SOCS6: variants seen among roughly 807,000 people sequenced by gnomAD.
SOCS6 encodes the protein suppressor of cytokine signaling 6.
SOCS6 carries 5 observed loss-of-function variants against 27.7 expected under a neutral mutation model. The observed-to-expected ratio is 0.18, with a 90% CI of 0.09 to 0.38. The LOEUF is 0.38. SOCS6 is among the 10% of genes least tolerant of loss of function. The pLI is 1.00. For missense variants in SOCS6, 595 were observed against 688.1 expected, an observed-to-expected ratio of 0.86 and a Z score of 1.51; for synonymous variants, 271 against 260.0, an observed-to-expected ratio of 1.04 and a Z score of -0.41.
intron 1 of SOCS6, among the ~76,000 whole-genome samples, chr18:70,305,608 C>T (rs1177133864): frequency 1.3e-5 from 2 of 152,098 alleles, no homozygotes; most frequent in Non-Finnish European, 2.9e-5. Flanking sequence ...GCTTACTAAG[C>T]TTTTGATAGG....
Position 70,327,610 on chromosome 18 carries a change from G to A in SOCS6, c.*1334G>A, listed in dbSNP as rs1911258999. On this transcript the variant is annotated 3_prime_UTR_variant, in exon 2 of 2. Coordinates refer to ENST00000397942, the MANE Select transcript of SOCS6 (RefSeq NM_004232.4). The stretch of plus-strand genomic sequence containing the variant: ...TTATCTCCTTGAGTCGGTTGTTGGG[G>A]AGAGATGTTATATTCAATAATTTTT... 6.0e-6 allele frequency: 1 copy of A among 166,964 alleles called. No individual in the cohort carries two copies. Among genetic ancestry groups the A allele is most frequent in the South Asian group, 2.1e-4 (1 of 4,830 alleles). 10.3% of individuals were successfully genotyped at this position (166,964 alleles called of 1,614,324 possible).
chr18:70,326,332 C>G lies in SOCS6; in HGVS notation c.*56C>G. 7.0e-7 allele frequency: 1 copy of G among 1,419,534 alleles called. No individual in the cohort carries two copies. The highest frequency in any genetic ancestry group is 9.6e-7 in the Non-Finnish European group (1 of 1,040,024). 87.9% of individuals were successfully genotyped at this position (1,419,534 alleles called of 1,614,324 possible). The stretch of plus-strand genomic sequence containing the variant: ...GGAATAAGAACAAGAGATTGAAATA[C>G]AGTTTACAAACTTTCATTGCCATCA... On this transcript the variant is annotated 3_prime_UTR_variant, in exon 2 of 2. Transcript: ENST00000397942.
rs966046950 is a variant in SOCS6 at position 70,304,710 on chromosome 18, T to C, written c.-127+15620T>C. ...ATTCTAGCCTGTGGCTTAGAAGATA[T>C]GATACACAGATATTTTCTTCTAGCC... is the stretch of plus-strand genomic sequence containing the variant. On this transcript the variant is annotated intron_variant, in intron 1 of 1. Transcript: ENST00000397942. Among the ~76,000 whole-genome samples, 12 of 152,388 alleles carry C rather than the reference T, an allele frequency of 7.9e-5. No individual in the cohort carries two copies. In the South Asian group the frequency reaches 8.3e-4, roughly 11 times the overall value.
At chr18:70,308,211 C>CT (rs2062376978) in intron 1 of SOCS6, among the ~76,000 whole-genome samples, 1 of 151,904 alleles carries the variant, frequency 6.6e-6, no homozygotes, top group African/African-American at 2.4e-5. Flanking sequence ...TAGTATCAGT[C>CT]TTTTTAAATT....
chr18:70,299,229 G>A lies in SOCS6; in HGVS notation c.-127+10139G>A, dbSNP rs529516073. ...GGGCTGAGTCCCATGAGACTGCCCC[G>A]TCCTCAGATGCCAGTCACAAGTCCC... On this transcript the variant is annotated intron_variant, in intron 1 of 1. Transcript: ENST00000397942. Among the ~76,000 whole-genome samples the A allele has an allele frequency of 3.9e-5, 6 of 152,216 alleles. No homozygotes were observed. The South Asian group carries it at 8.3e-4, about 21-fold the overall frequency.
At position 70,327,216 on chromosome 18, in the gene SOCS6, CTTGA is replaced by C. The variant is rs1419874336; in HGVS notation, c.*944_*947del. On this transcript the variant is annotated 3_prime_UTR_variant, in exon 2 of 2. Coordinates refer to ENST00000397942, the MANE Select transcript of SOCS6 (RefSeq NM_004232.4). ...CTTAGTCAACATTTTCTTGGGTGAACTTGATTGTCAACTAATTTTCATAAATGGA... is the reference window on the plus strand; with the variant it reads ...CTTAGTCAACATTTTCTTGGGTGAACTTGTCAACTAATTTTCATAAATGGA... 1.2e-5 allele frequency: 2 copies of C among 166,818 alleles called. No individual in the cohort carries two copies. Among genetic ancestry groups the C allele is most frequent in the Admixed American group, 1.3e-4 (2 of 15,264 alleles). 10.3% of individuals were successfully genotyped at this position (166,818 alleles called of 1,614,324 possible). A position where few individuals can be genotyped will look rare whatever the true frequency, so the allele number is the denominator to read the frequency against.
At chr18:70,318,517 A>G (rs1910852959) in intron 1 of SOCS6, among the ~76,000 whole-genome samples, 1 of 152,238 alleles carries the variant, frequency 6.6e-6, no homozygotes, top group Admixed American at 6.5e-5. Context: ...AGAAGAGAAT[A>G]GTTGGAAAGA....
intron 1 of SOCS6, among the ~76,000 whole-genome samples, chr18:70,289,320 A>C (rs112885338): frequency 1.6e-4 from 23 of 148,104 alleles, no homozygotes; most frequent in Admixed American, 1.1e-3. Context: ...AGGGCCGGGG[A>C]ACGGGGGCCG....
intron 1 of SOCS6, among the ~76,000 whole-genome samples, chr18:70,324,174 C>T (rs1157854823): frequency 2.0e-5 from 3 of 151,898 alleles, no homozygotes; most frequent in African/African-American, 7.3e-5. Context: ...TGGTGGTGGG[C>T]GTCTGTAGTC....
chr18:70,296,898 TTTTC>T (rs1429831372), intron 1 of SOCS6, among the ~76,000 whole-genome samples: 4 of 97,272 alleles, frequency 4.1e-5, no homozygotes, highest in African/African-American at 1.0e-4. Flanking sequence ...CATTTTCTCA[TTTTC>T]TTTCTTTTTT....
chr18:70,300,818 T>G (rs41333452), intron 1 of SOCS6, among the ~76,000 whole-genome samples: 2 of 151,726 alleles, frequency 1.3e-5, no homozygotes, highest in African/African-American at 4.9e-5. Flanking sequence ...TTATTCTTAA[T>G]TTAAGTTAAA....
chr18:70,301,746 T>C (rs1182528882), intron 1 of SOCS6, among the ~76,000 whole-genome samples: 1 of 152,146 alleles, frequency 6.6e-6, no homozygotes, highest in Non-Finnish European at 1.5e-5. Flanking sequence ...TCTTGAGTGC[T>C]GGGGCACTCC....
At chr18:70,315,154 T>G (rs1471159266) in intron 1 of SOCS6, among the ~76,000 whole-genome samples, 1 of 152,184 alleles carries the variant, frequency 6.6e-6, no homozygotes, top group Non-Finnish European at 1.5e-5. Flanking sequence ...CAGTTTGATT[T>G]TTCTTTTTTT....
chr18:70,329,576 AT>A lies in SOCS6; in HGVS notation c.*3303del. On this transcript the variant is annotated 3_prime_UTR_variant, in exon 2 of 2. Transcript: ENST00000397942. ...GAATGAATCGGAATAATACATTTTC[AT>A]TTAAATCTTAATTGCTTTTCATTAA... 1 of 167,112 alleles carries A rather than the reference AT, an allele frequency of 6.0e-6. No homozygotes were observed. Among genetic ancestry groups the A allele is most frequent in the Non-Finnish European group, 1.5e-5 (1 of 68,112 alleles). 10.4% of individuals were successfully genotyped at this position (167,112 alleles called of 1,614,324 possible).
intron 1 of SOCS6, among the ~76,000 whole-genome samples, chr18:70,323,652 A>G (rs1449826432): frequency 6.6e-6 from 1 of 152,194 alleles, no homozygotes; most frequent in African/African-American, 2.4e-5. Context: ...CTTGAAGGTA[A>G]ATGATTCTTG....
At chr18:70,302,775 A>AT (rs2062354041) in intron 1 of SOCS6, among the ~76,000 whole-genome samples, 1 of 152,202 alleles carries the variant, frequency 6.6e-6, no homozygotes, top group African/African-American at 2.4e-5. Flanking sequence ...CCAGTATAAA[A>AT]AAAAAATTTA....
chr18:70,319,425 G>T (rs995528560), intron 1 of SOCS6, among the ~76,000 whole-genome samples: 2 of 151,948 alleles, frequency 1.3e-5, no homozygotes, highest in Non-Finnish European at 2.9e-5. Context: ...TGTGGCTCTG[G>T]TCTGTGGATC....
chr18:70,304,332 C>T (rs542342106), intron 1 of SOCS6, among the ~76,000 whole-genome samples: 2 of 151,958 alleles, frequency 1.3e-5, no homozygotes, highest in Admixed American at 1.3e-4. Context: ...TTTTTTTGTT[C>T]TCTATATTTA....
intron 1 of SOCS6, among the ~76,000 whole-genome samples, chr18:70,295,301 G>C (rs2062318299): frequency 6.6e-6 from 1 of 152,210 alleles, no homozygotes; most frequent in South Asian, 2.1e-4. Context: ...GCTCTGGGTA[G>C]CTGATTATTT....
Sources: gnomAD v4.1 joint callset for allele counts (sites outside exome capture counted in the v4.1 genomes callset) on GRCh38, gnomAD v4.1.1 for gene constraint, MANE v1.5 for transcripts, NCBI Gene and HGNC (gene_info 2026-07-23, HGNC 2026-07-21) for gene names.